Variants in KPTN observed in about 807,000 individuals in gnomAD.
KPTN encodes KICSTOR complex protein kaptin.
A neutral mutation model predicts 52.6 loss-of-function variants in KPTN; 36 were observed. That is an observed-to-expected ratio of 0.68 (90% CI 0.52 to 0.90). The LOEUF (loss-of-function observed/expected upper bound fraction) is 0.90, where lower values mean the gene tolerates loss of function less well. Ranked by LOEUF, KPTN falls within the 40% of genes least tolerant of loss-of-function variation. KPTN has a pLI of 0.00. For synonymous variants in KPTN, 271 were observed against 248.4 expected (o/e 1.09, Z -0.85); for missense variants, 529 against 576.2 (o/e 0.92, Z 0.84).
rs1010272634 is a variant in KPTN at position 47,483,436 on chromosome 19, G to A, written c.310-57C>T. 5.6e-6 allele frequency: 9 copies of A among 1,595,988 alleles called. No homozygotes were observed. In the Admixed American group the frequency reaches 6.7e-5, roughly 12 times the overall value. ...AGGGGTGGCAGGAGGGATCCGGGGCGGCTCAGTGGAACTCACCATGTGTGT... is the reference window on the plus strand; with the variant it reads ...AGGGGTGGCAGGAGGGATCCGGGGCAGCTCAGTGGAACTCACCATGTGTGT... On this transcript the variant is annotated intron_variant, in intron 2 of 11. Coordinates refer to ENST00000338134, the MANE Select transcript of KPTN (RefSeq NM_007059.4).
At chr19:47,484,325 T>A, upstream of KPTN, 2 of 850,832 alleles carry the variant, frequency 2.4e-6, no homozygotes, top group Non-Finnish European at 3.5e-6. Context: ...CCAGGTCGCC[T>A]GCTCGGGCCT....
chr19:47,475,617 T>A, intron 11 of KPTN, 73 bp from the exon 12 acceptor site: 1 of 1,566,946 alleles, frequency 6.4e-7, no homozygotes, highest in Non-Finnish European at 8.7e-7. Context: ...CCGTCTGGAG[T>A]GAAGCAACTC....
chr19:47,479,002 A>G (rs917855273), intron 8 of KPTN, among the ~76,000 whole-genome samples: 2 of 152,226 alleles, frequency 1.3e-5, no homozygotes, highest in Admixed American at 1.3e-4. Flanking sequence ...GAATTCATCC[A>G]TGCAACCAAA....
Position 47,484,066 on chromosome 19 carries a change from G to T in KPTN, c.95C>A (p.Ala32Glu). The stretch of plus-strand genomic sequence containing the variant: ...CTCCCCGCGCCCGCCGGCGCCGCCT[G>T]CCAGCCCGTACACATTGCTCTGCGA... ...FSSQSNVYGL[A>E]GGAGGRGELL... Residue 32 changes from alanine to glutamate, a missense_variant, in exon 1 of 12, where the codon GCA (alanine) becomes GAA (glutamate). Physicochemically the swap from Ala to Glu is moderately radical, Grantham distance 107. Coordinates refer to ENST00000338134, the MANE Select transcript of KPTN (RefSeq NM_007059.4). The T allele has an allele frequency of 6.2e-7, 1 of 1,610,562 alleles. No homozygotes were observed.
At chr19:47,477,629 T>C in intron 9 of KPTN, 77 bp downstream of exon 9, 1 of 1,096,830 alleles carries the variant, frequency 9.1e-7, no homozygotes, top group Non-Finnish European at 1.4e-6. Flanking sequence ...AGGAACTTAC[T>C]GTAGAGAATG....
chr19:47,479,153 C>T (rs1387480661), intron 8 of KPTN, among the ~76,000 whole-genome samples: 1 of 152,190 alleles, frequency 6.6e-6, no homozygotes, highest in African/African-American at 2.4e-5. Context: ...ATCGATTCTC[C>T]TGCCTCAGCC....
At position 47,480,012 on chromosome 19, in the gene KPTN, T is replaced by C. The variant is rs1385824365; in HGVS notation, c.710-72A>G. The C allele has an allele frequency of 2.4e-6, 3 of 1,250,312 alleles. No homozygotes were observed. In the East Asian group the frequency reaches 8.0e-5, roughly 33 times the overall value. 77.5% of individuals were successfully genotyped at this position (1,250,312 alleles called of 1,614,324 possible). On this transcript the variant is annotated intron_variant, in intron 7 of 11. Coordinates refer to ENST00000338134, the MANE Select transcript of KPTN (RefSeq NM_007059.4). ...GCCCGCAGCCCTGAAACCATCGACT[T>C]TCCGCCCCCACCGTTCATCCCCACC...
In KPTN at chr19:47,483,533, C is replaced by T. The variant is rs1289794379; in HGVS notation, c.278G>A (p.Arg93Gln). 3 of 1,581,972 alleles carry T rather than the reference C, an allele frequency of 1.9e-6. No individual in the cohort carries two copies. Among genetic ancestry groups the T allele is most frequent in the Non-Finnish European group, 2.6e-6 (3 of 1,163,502 alleles). Residue 93 changes from arginine to glutamine, a missense_variant, in exon 2 of 12, where the codon CGG becomes CAG. Physicochemically the swap from Arg to Gln is conservative, Grantham distance 43. Transcript: ENST00000338134. ...GAACGTGATCCCCACAACCAGACCC[C>T]GCTTGGGGGGTGACTTGTTGAAAGT... is the stretch of plus-strand genomic sequence containing the variant. ...IDTFNKSPPK[R>Q]GLVVGITFIK... is the part of the protein sequence containing the mutation.
In KPTN at chr19:47,477,864, A is replaced by G. The variant is rs905071045; in HGVS notation, c.788-83T>C. ...CAGCTGAGGTCAGGAGTTCGAGACC[A>G]GCCTGGTCAACATGATAAAACCCCG... is the stretch of plus-strand genomic sequence containing the variant. On this transcript the variant is annotated intron_variant, in intron 8 of 11. Transcript: ENST00000338134. The G allele has an allele frequency of 4.5e-6, 4 of 898,600 alleles. No homozygotes were observed. The African/African-American group carries it at 4.9e-5, about 11-fold the overall frequency. 55.7% of individuals were successfully genotyped at this position (898,600 alleles called of 1,614,324 possible). A position where few individuals can be genotyped will look rare whatever the true frequency, so the allele number is the denominator to read the frequency against.
intron 8 of KPTN, among the ~76,000 whole-genome samples, chr19:47,478,988 T>C (rs1266268939): frequency 6.6e-6 from 1 of 152,226 alleles, no homozygotes; most frequent in Non-Finnish European, 1.5e-5. Context: ...AATCCATCAC[T>C]ATAGAATTCA....
rs756367851 is a variant in KPTN at position 47,484,067 on chromosome 19, C to G, written c.94G>C (p.Ala32Pro). The change falls in exon 1 of 12, where the codon GCA becomes CCA. Residue 32 changes from alanine (A) to proline (P), a missense_variant. Coordinates refer to ENST00000338134, the MANE Select transcript of KPTN (RefSeq NM_007059.4). ...FSSQSNVYGLAGGAGGRGELL... is the reference protein window; with the variant it reads ...FSSQSNVYGLPGGAGGRGELL... ...TCCCCGCGCCCGCCGGCGCCGCCTGCCAGCCCGTACACATTGCTCTGCGAC... is the reference window on the plus strand; with the variant it reads ...TCCCCGCGCCCGCCGGCGCCGCCTGGCAGCCCGTACACATTGCTCTGCGAC... 1 of 1,610,380 alleles carries G rather than the reference C, an allele frequency of 6.2e-7. No individual in the cohort carries two copies. Among genetic ancestry groups the G allele is most frequent in the Non-Finnish European group, 8.5e-7 (1 of 1,179,820 alleles).
chr19:47,476,576 G>T lies in KPTN; in HGVS notation c.1138C>A (p.Gln380Lys). Residue 380 changes from glutamine (Q) to lysine (K), a missense_variant, in exon 11 of 12, where the codon CAG (glutamine) becomes AAG (lysine). Coordinates refer to ENST00000338134, the MANE Select transcript of KPTN (RefSeq NM_007059.4). ...AHVDLTGDGL[Q>K]ELAVVSLKGV... ...TTCAGGGAGACCACGGCAAGCTCCT[G>T]CAGCCCATCCCCGGTCAGGTCCACG... The T allele has an allele frequency of 6.2e-7, 1 of 1,611,704 alleles. No individual in the cohort carries two copies. The highest frequency in any genetic ancestry group is 8.5e-7 in the Non-Finnish European group (1 of 1,179,588).
chr19:47,483,416 T>TCTGC, intron 2 of KPTN, 37 bp from the exon 3 acceptor site: 1 of 1,604,338 alleles, frequency 6.2e-7, no homozygotes, highest in African/African-American at 1.3e-5. Flanking sequence ...AGGGCAGGGG[T>TCTGC]GGCAGGAGGG....
At chr19:47,483,695 A>T in intron 1 of KPTN, 111 bp from the exon 2 acceptor site, 1 of 904,182 alleles carries the variant, frequency 1.1e-6, no homozygotes, top group Non-Finnish European at 1.7e-6. Flanking sequence ...CTGAGTCCTG[A>T]CCACCATCAC....
At chr19:47,479,822 C>T (rs1472128333) in intron 8 of KPTN, 41 bp downstream of exon 8, 2 of 1,536,482 alleles carry the variant, frequency 1.3e-6, no homozygotes, top group Non-Finnish European at 1.8e-6. Context: ...CCTCTTCCCT[C>T]CCACCCGCTC....
At position 47,477,731 on chromosome 19, in the gene KPTN, TGCTGGCCACGAGCAC is replaced by T; in HGVS notation, c.823_837del (p.Val275_Ser279del). 1 of 1,613,778 alleles carries T rather than the reference TGCTGGCCACGAGCAC, an allele frequency of 6.2e-7. No homozygotes were observed. On this transcript the variant is annotated inframe_deletion, in exon 9 of 12. Transcript: ENST00000338134. Reference sequence around the variant, plus strand: ...CGATACACCACTGCTGGCTCCAACATGCTGGCCACGAGCACGCTGTACTCATCTTGTAGTGGCCTG... The same window carrying T: ...CGATACACCACTGCTGGCTCCAACATGCTGTACTCATCTTGTAGTGGCCTG...
chr19:47,485,347 A>G (rs562571270), upstream of KPTN, among the ~76,000 whole-genome samples: 2 of 152,224 alleles, frequency 1.3e-5, no homozygotes, highest in Non-Finnish European at 2.9e-5. Context: ...AAGTCCACTG[A>G]CTGATATGCT....
intron 4 of KPTN, 101 bp from the exon 5 acceptor site, chr19:47,481,134 C>T: frequency 1.1e-6 from 1 of 916,624 alleles, no homozygotes; most frequent in South Asian, 1.4e-5. Flanking sequence ...AGAACCTTAA[C>T]ATTCTGGGAT....
chr19:47,475,643 C>A, intron 11 of KPTN, 99 bp from the exon 12 acceptor site: 1 of 1,434,346 alleles, frequency 7.0e-7, no homozygotes, highest in South Asian at 1.2e-5. Flanking sequence ...GCCAGGAGCT[C>A]GGCCCACGTG....
Sources: gnomAD v4.1 joint callset for allele counts (sites outside exome capture counted in the v4.1 genomes callset) on GRCh38, gnomAD v4.1.1 for gene constraint, MANE v1.5 for transcripts, NCBI Gene and HGNC (gene_info 2026-07-23, HGNC 2026-07-21) for gene names.